BRF1: variants seen among roughly 807,000 people sequenced by gnomAD.
BRF1 encodes BRF1 general transcription factor IIIB subunit.
In BRF1, 59 loss-of-function variants were observed where a neutral mutation model predicts 81.7. The ratio of observed to expected loss-of-function variants is 0.72; its 90% CI spans 0.59 to 0.90. The LOEUF (loss-of-function observed/expected upper bound fraction) is 0.90. BRF1 is among the 40% of genes least tolerant of loss of function. BRF1 has a pLI of 0.00. For missense variants in BRF1, 1,050 were observed against 936.3 expected (o/e 1.12, Z -1.58); for synonymous variants, 491 against 395.6 (o/e 1.24, Z -2.86).
At chr14:105,222,932 A>G (rs1892525019) in intron 10 of BRF1, among the ~76,000 whole-genome samples, 1 of 152,138 alleles carries the variant, frequency 6.6e-6, no homozygotes, top group Non-Finnish European at 1.5e-5. Flanking sequence ...CTGGCTGACA[A>G]CCTGATCATT....
chr14:105,293,033 A>T (rs990223908), intron 1 of BRF1, among the ~76,000 whole-genome samples: 1 of 152,198 alleles, frequency 6.6e-6, no homozygotes, highest in Non-Finnish European at 1.5e-5. Flanking sequence ...ACGGGACAGA[A>T]TTCACCCGTT....
chr14:105,217,642 A>AGGAT lies in BRF1; in HGVS notation c.1673_1674insATCC (p.Asp558GlufsTer8). On this transcript the variant is annotated frameshift_variant, in exon 15 of 18. Coordinates refer to ENST00000547530, the MANE Select transcript of BRF1 (RefSeq NM_001519.4). LOFTEE classifies it high-confidence loss of function. ...CACTGGCGCTATGCTCGGGCTGTGC[A>AGGAT]TCCTCCCTGTGCGGACTGCCCCCGC... 6.2e-7 allele frequency: 1 copy of AGGAT among 1,613,284 alleles called. No individual in the cohort carries two copies. The highest frequency in any genetic ancestry group is 1.1e-5 in the South Asian group (1 of 91,078).
intron 5 of BRF1, among the ~76,000 whole-genome samples, chr14:105,243,309 G>A (rs1377934111): frequency 6.6e-6 from 1 of 150,714 alleles, no homozygotes; most frequent in Non-Finnish European, 1.5e-5. Flanking sequence ...AATTAGCCGG[G>A]TGTGGTGGCG....
intron 1 of BRF1, among the ~76,000 whole-genome samples, chr14:105,307,753 C>G (rs1278566241): frequency 6.6e-6 from 1 of 152,198 alleles, no homozygotes; most frequent in Admixed American, 6.5e-5. Context: ...TAAGAATAGC[C>G]CACCCTAGCA....
At chr14:105,249,918 T>C (rs1467122463) in intron 5 of BRF1, 4 of 1,611,432 alleles carry the variant, frequency 2.5e-6, no homozygotes, top group African/African-American at 1.3e-5. Context: ...CTGGAGATCA[T>C]TGTCACTCGG....
At chr14:105,294,988 G>A (rs982903582) in intron 1 of BRF1, among the ~76,000 whole-genome samples, 1 of 152,140 alleles carries the variant, frequency 6.6e-6, no homozygotes, top group African/African-American at 2.4e-5. Flanking sequence ...TGGCTACGCT[G>A]GTGAATTCTA....
chr14:105,211,326 G>A (rs1286703837), intron 16 of BRF1, 33 bp from the exon 17 acceptor site: 1 of 1,545,822 alleles, frequency 6.5e-7, no homozygotes. Context: ...CACACACAGA[G>A]CTGGGAGCCC....
At position 105,241,249 on chromosome 14, in the gene BRF1, G is replaced by C. The variant is rs112149503; in HGVS notation, c.694+16C>G. On this transcript the variant is annotated intron_variant, in intron 6 of 17. Coordinates refer to ENST00000547530, the MANE Select transcript of BRF1 (RefSeq NM_001519.4). The stretch of plus-strand genomic sequence containing the variant: ...ACCCAGACCAGCATCCCCCAGGCAG[G>C]CAGGGCCCGCTGTACCTGCTCCGCA... The C allele has an allele frequency of 1.9e-6, 3 of 1,608,580 alleles. No homozygotes were observed. The East Asian group carries it at 6.7e-5, about 36-fold the overall frequency.
intron 1 of BRF1, 97 bp downstream of exon 1, chr14:105,300,349 G>A: frequency 7.7e-7 from 1 of 1,292,574 alleles, no homozygotes; most frequent in Admixed American, 3.4e-5. Flanking sequence ...GACAGAGCGT[G>A]CGGTACCGAG....
At position 105,217,812 on chromosome 14, in the gene BRF1, C is replaced by G; in HGVS notation, c.1516-12G>C. Reference sequence around the variant, plus strand: ...CAAGACTTCTTGGGCTTGAGGGAAACAAGCAAGAATGCCTCCCGTGAGTCA... The same window carrying G: ...CAAGACTTCTTGGGCTTGAGGGAAAGAAGCAAGAATGCCTCCCGTGAGTCA... On this transcript the variant is annotated splice_polypyrimidine_tract_variant and intron_variant, in intron 14 of 17. Coordinates refer to ENST00000547530, the MANE Select transcript of BRF1 (RefSeq NM_001519.4). The G allele has an allele frequency of 6.2e-7, 1 of 1,607,842 alleles. No homozygotes were observed. Among genetic ancestry groups the G allele is most frequent in the Non-Finnish European group, 8.5e-7 (1 of 1,176,568 alleles).
intron 2 of BRF1, among the ~76,000 whole-genome samples, chr14:105,275,821 A>T (rs587647577): frequency 2.0e-4 from 31 of 152,398 alleles, no homozygotes; most frequent in African/African-American, 7.2e-4. Context: ...CTAGGTCAGG[A>T]GGCAGAGCAC....
At chr14:105,249,026 C>T in intron 5 of BRF1, 9 of 1,176,680 alleles carry the variant, frequency 7.6e-6, no homozygotes, top group Non-Finnish European at 9.4e-6. Flanking sequence ...CGCCCACACT[C>T]GGCAACAACC....
chr14:105,311,531 A>G (rs1427821109), intron 1 of BRF1, among the ~76,000 whole-genome samples: 1 of 152,230 alleles, frequency 6.6e-6, no homozygotes, highest in Non-Finnish European at 1.5e-5. Context: ...CTGGGATTAC[A>G]GGTGTGAGCC....
In BRF1 at chr14:105,300,579, G is replaced by C. The variant is rs770073200; in HGVS notation, c.51C>G (p.Asp17Glu). 2.4e-5 allele frequency: 35 copies of C among 1,483,406 alleles called. No individual in the cohort carries two copies. The South Asian group carries it at 4.3e-4, about 18-fold the overall frequency. The allele number at this position is 1,483,406 out of a possible 1,614,324, so 91.9% of individuals were successfully genotyped here. A position where few individuals can be genotyped will look rare whatever the true frequency, so the allele number is the denominator to read the frequency against. ...RGCGGTDIEL[D>E]AARGDAVCTA... ...TGCACACCGCGTCCCCGCGCGCCGC[G>C]TCCAGCTCGATGTCCGTGCCGCCGC... The change falls in exon 1 of 18, where the codon GAC (aspartate) becomes GAG (glutamate). Residue 17 changes from aspartate (D) to glutamate (E), a missense_variant. Coordinates refer to ENST00000547530, the MANE Select transcript of BRF1 (RefSeq NM_001519.4).
intron 3 of BRF1, among the ~76,000 whole-genome samples, chr14:105,270,132 C>T (rs2056594998): frequency 1.3e-5 from 2 of 151,882 alleles, no homozygotes; most frequent in Non-Finnish European, 1.5e-5. Context: ...GTGCTTTAAA[C>T]ACTTTTACGC....
chr14:105,274,135 CAT>C (rs2056778578), intron 2 of BRF1, among the ~76,000 whole-genome samples: 1 of 152,212 alleles, frequency 6.6e-6, no homozygotes, highest in South Asian at 2.1e-4. Flanking sequence ...CGGAGAGAAA[CAT>C]AAATCTGGCC....
upstream of BRF1, among the ~76,000 whole-genome samples, chr14:105,304,823 T>C (rs1814723029): frequency 1.3e-5 from 2 of 152,214 alleles, no homozygotes; most frequent in African/African-American, 2.4e-5. Context: ...GGAAACTCCC[T>C]CTTATAAAAC....
chr14:105,268,957 A>G (rs963773246), intron 3 of BRF1, among the ~76,000 whole-genome samples: 38 of 152,172 alleles, frequency 2.5e-4, no homozygotes, highest in African/African-American at 9.2e-4. Flanking sequence ...GGGTGGAGCT[A>G]TTGAGGAAAC....
intron 5 of BRF1, chr14:105,247,512 T>A: frequency 1.0e-6 from 1 of 984,566 alleles, no homozygotes; most frequent in African/African-American, 1.8e-5. Context: ...TCCTGGAGAG[T>A]CCTTTGTTGA....
Sources: gnomAD v4.1 joint callset for allele counts (sites outside exome capture counted in the v4.1 genomes callset) on GRCh38, gnomAD v4.1.1 for gene constraint, MANE v1.5 for transcripts, NCBI Gene and HGNC (gene_info 2026-07-23, HGNC 2026-07-21) for gene names.